Variants in HMCN1 observed in about 807,000 individuals in gnomAD.
HMCN1 encodes hemicentin-1.
A neutral mutation model predicts 625.9 loss-of-function variants in HMCN1; 321 were observed. The ratio of observed to expected loss-of-function variants is 0.51; its 90% confidence interval spans 0.47 to 0.56. The LOEUF (loss-of-function observed/expected upper bound fraction) is 0.56. Among genes scored for constraint, HMCN1 ranks in the 20% least tolerant of loss-of-function variants. The pLI is 0.00. For synonymous variants in HMCN1, 2,425 were observed against 2,417.6 expected (o/e 1.00, Z -0.09); for missense variants, 6,588 against 6,887.3 (o/e 0.96, Z 1.54).
intron 1 of HMCN1, among the ~76,000 whole-genome samples, chr1:185,822,131 A>G (rs960849516): frequency 6.6e-6 from 1 of 152,126 alleles, no homozygotes; most frequent in Admixed American, 6.6e-5. Context: ...AATGGTAGGT[A>G]TATGTCACTA....
At chr1:186,127,360 G>A (rs1661698871) in intron 82 of HMCN1, among the ~76,000 whole-genome samples, 1 of 152,104 alleles carries the variant, frequency 6.6e-6, no homozygotes, top group Non-Finnish European at 1.5e-5. Context: ...CTATAGCACT[G>A]TATGAGATCA....
intron 71 of HMCN1, among the ~76,000 whole-genome samples, chr1:186,111,889 T>C (rs1218479383): frequency 6.6e-6 from 1 of 152,204 alleles, no homozygotes; most frequent in Non-Finnish European, 1.5e-5. Context: ...GAACAATGTT[T>C]TCTTAGAAAG....
chr1:186,052,981 C>A lies in HMCN1; in HGVS notation c.6607C>A (p.Leu2203Ile). The A allele has an allele frequency of 6.2e-7, 1 of 1,607,108 alleles. No individual in the cohort carries two copies. Among genetic ancestry groups the A allele is most frequent in the Non-Finnish European group, 8.5e-7 (1 of 1,174,420 alleles). The change falls in exon 43 of 107, where the codon CTT becomes ATT. Residue 2203 changes from leucine to isoleucine, a missense_variant. This residue lies in a region of HMCN1 where 4,628 missense variants were observed against 4,853.1 expected (regional missense o/e 0.95). Transcript: ENST00000271588. ...VPPNIGGSDE[L>I]TQLTVIEGNL... is the part of the protein sequence containing the mutation. Reference sequence around the variant, plus strand: ...CCCAAATATTGGTGGTTCTGATGAACTTACTCAACTTACAGTCATTGAAGG... The same window carrying A: ...CCCAAATATTGGTGGTTCTGATGAAATTACTCAACTTACAGTCATTGAAGG...
Position 186,079,046 on chromosome 1 carries a change from G to A in HMCN1, c.8599+826G>A, listed in dbSNP as rs116227191. 3.4e-3 allele frequency among the ~76,000 whole-genome samples: 512 copies of A among 152,264 alleles called. 5 individuals carry two copies. Among genetic ancestry groups the A allele is most frequent in the African/African-American group, 0.012 (489 of 41,554 alleles). The stretch of plus-strand genomic sequence containing the variant: ...TTGACCTTGTCAGGTTCACAGCTAC[G>A]CCATATGTCCTGCCTAGGATCAGGT... On this transcript the variant is annotated intron_variant, in intron 55 of 106. Coordinates refer to ENST00000271588, the MANE Select transcript of HMCN1 (RefSeq NM_031935.3).
chr1:186,065,976 A>G (rs945494727), intron 49 of HMCN1, among the ~76,000 whole-genome samples: 4 of 152,192 alleles, frequency 2.6e-5, no homozygotes, highest in Non-Finnish European at 5.9e-5. Flanking sequence ...ACTAAAATCA[A>G]CTGACCTATA....
chr1:185,942,315 A>T lies in HMCN1; in HGVS notation c.1828+8491A>T, dbSNP rs79133159. ...GTGGACATTTTAATTTTCAGCAAAA[A>T]TAGACCATGTGAATATGTGTATTCA... On this transcript the variant is annotated intron_variant, in intron 11 of 106. Coordinates refer to ENST00000271588, the MANE Select transcript of HMCN1 (RefSeq NM_031935.3). Among the ~76,000 whole-genome samples, 16 of 152,346 alleles carry T rather than the reference A, an allele frequency of 1.1e-4. No homozygotes were observed. The East Asian group carries it at 2.9e-3, about 28-fold the overall frequency.
chr1:186,128,264 T>G lies in HMCN1; in HGVS notation c.12877T>G (p.Trp4293Gly). The G allele has an allele frequency of 1.9e-6, 3 of 1,613,280 alleles. No individual in the cohort carries two copies. The highest frequency in any genetic ancestry group is 2.5e-6 in the Non-Finnish European group (3 of 1,179,492). ...ATGIPLPKLT[W>G]TFNNNIIPAH... ...TGGTATTCCATTGCCCAAATTAACA[T>G]GGACCTTCAATAACAATATTATTCC... Residue 4293 changes from tryptophan (W) to glycine (G), a missense_variant, in exon 83 of 107, where the codon TGG becomes GGG. Physicochemically the swap from Trp to Gly is radical, Grantham distance 184. Around this residue, in one of 3 missense-constraint regions of HMCN1, gnomAD observed 1,954 missense variants for 2,013.1 expected, o/e 0.97. Coordinates refer to ENST00000271588, the MANE Select transcript of HMCN1 (RefSeq NM_031935.3).
At chr1:186,132,552 A>C in intron 86 of HMCN1, 143 bp downstream of exon 86, 1 of 702,464 alleles carries the variant, frequency 1.4e-6, no homozygotes, top group South Asian at 1.5e-5. Flanking sequence ...CTGCTGATGG[A>C]GCAGTTGTCA....
intron 74 of HMCN1, 126 bp from the exon 75 acceptor site, chr1:186,115,132 C>G: frequency 7.1e-7 from 1 of 1,400,800 alleles, no homozygotes; most frequent in Non-Finnish European, 1.0e-6. Context: ...TTAAAATTTG[C>G]AGAGTCTTGT....
intron 1 of HMCN1, among the ~76,000 whole-genome samples, chr1:185,791,384 A>T (rs1386007966): frequency 6.6e-6 from 1 of 152,220 alleles, no homozygotes; most frequent in Non-Finnish European, 1.5e-5. Flanking sequence ...TGAACATTGT[A>T]GAGTGATGTG....
At position 186,055,744 on chromosome 1, in the gene HMCN1, A is replaced by T. The variant is rs78576856; in HGVS notation, c.7144+70A>T. 3.7e-4 allele frequency: 519 copies of T among 1,419,902 alleles called. 3 individuals carry two copies. The African/African-American group carries it at 6.4e-3, about 18-fold the overall frequency. The allele number at this position is 1,419,902 out of a possible 1,614,324, so 88.0% of individuals were successfully genotyped here. ...ATCTAGCATCCTGGATGGGAGATATAGGCCTCAAGTACTGAAAGTCATTTA... is the reference window on the plus strand; with the variant it reads ...ATCTAGCATCCTGGATGGGAGATATTGGCCTCAAGTACTGAAAGTCATTTA... On this transcript the variant is annotated intron_variant, in intron 45 of 106. Transcript: ENST00000271588.
In HMCN1 at chr1:186,053,843, A is replaced by G. The variant is rs1558179806; in HGVS notation, c.6719A>G (p.Asp2240Gly). 2 of 1,612,656 alleles carry G rather than the reference A, an allele frequency of 1.2e-6. No homozygotes were observed. Among genetic ancestry groups the G allele is most frequent in the Non-Finnish European group, 1.7e-6 (2 of 1,179,126 alleles). The change falls in exon 44 of 107, where the codon GAT becomes GGT. Residue 2240 changes from aspartate (D) to glycine (G), a missense_variant. Physicochemically the swap from Asp to Gly is moderately conservative, Grantham distance 94 (BLOSUM62 -1). This residue lies in a region of HMCN1 where 4,628 missense variants were observed against 4,853.1 expected (regional missense o/e 0.95). Transcript: ENST00000271588. ...TTTGTAGGCTCTCCAGTGCTGACTG[A>G]TTCCATGGGGCGAGTTAGAATTTTA... ...WKKKGSPVLT[D>G]SMGRVRILSG...
chr1:185,776,442 TTGTG>T (rs57003461), intron 1 of HMCN1, among the ~76,000 whole-genome samples: 34,421 of 146,876 alleles, frequency 0.23, 4,157 homozygotes, highest in Non-Finnish European at 0.28. Flanking sequence ...TTGTATAGGG[TTGTG>T]TGTGTGTGTG....
intron 1 of HMCN1, among the ~76,000 whole-genome samples, chr1:185,783,815 C>G (rs1022868226): frequency 2.0e-5 from 3 of 152,358 alleles, no homozygotes; most frequent in Admixed American, 6.5e-5. Flanking sequence ...AGGAGGCAGT[C>G]TGACCGTTCT....
At chr1:186,140,662 A>T (rs567081773) in intron 89 of HMCN1, among the ~76,000 whole-genome samples, 1 of 152,162 alleles carries the variant, frequency 6.6e-6, no homozygotes, top group African/African-American at 2.4e-5. Context: ...CACTAGTTTT[A>T]GCATCCATTT....
chr1:186,133,416 C>T (rs1427586388), intron 86 of HMCN1, among the ~76,000 whole-genome samples: 1 of 152,148 alleles, frequency 6.6e-6, no homozygotes, highest in Non-Finnish European at 1.5e-5. Flanking sequence ...GATTCTCATG[C>T]TCATCAGGAA....
chr1:185,810,654 TTGTGTGTGTGTGTG>T (rs34235221), intron 1 of HMCN1, among the ~76,000 whole-genome samples: 1 of 147,678 alleles, frequency 6.8e-6, no homozygotes, highest in East Asian at 2.0e-4. Context: ...AATATCAACT[TTGTGTGTGTGTGTG>T]TGTGTGTGTG....
intron 102 of HMCN1, among the ~76,000 whole-genome samples, chr1:186,173,774 TGAAAGA>T (rs1558281439): frequency 2.6e-5 from 4 of 152,044 alleles, no homozygotes; most frequent in Non-Finnish European, 4.4e-5. Context: ...AGACATGAGT[TGAAAGA>T]TCAGAAACTT....
chr1:186,132,557 TTGTCATCAAAC>T (rs1488868491), intron 86 of HMCN1, 148 bp downstream of exon 86: 3 of 696,030 alleles, frequency 4.3e-6, no homozygotes, highest in Non-Finnish European at 7.8e-6. Context: ...GATGGAGCAG[TTGTCATCAAAC>T]ATAAATCTGA....
Sources: allele counts gnomAD v4.1 joint callset (sites outside exome capture counted in the v4.1 genomes callset), GRCh38; gene constraint gnomAD v4.1.1; regional missense constraint gnomAD v4.1.1; transcripts MANE v1.5; gene names NCBI Gene and HGNC (gene_info 2026-07-23, HGNC 2026-07-21).